Variants in EPRS1 observed in about 807,000 individuals in gnomAD.
The protein encoded by EPRS1 is bifunctional glutamate/proline--tRNA ligase.
EPRS1 carries 107 observed loss-of-function variants against 188.3 expected under a neutral mutation model. The ratio of observed to expected loss-of-function variants is 0.57; its 90% CI spans 0.49 to 0.67. EPRS1 has a LOEUF of 0.67. Among genes scored for constraint, EPRS1 ranks in the 30% least tolerant of loss-of-function variants. The pLI is 0.00. For synonymous variants in EPRS1, 596 were observed against 593.1 expected, an observed-to-expected ratio of 1.00 and a Z score of -0.07; for missense variants, 1,577 against 1,802.2, an observed-to-expected ratio of 0.88 and a Z score of 2.26.
chr1:220,034,822 A>G (rs1448363074), intron 3 of EPRS1, 92 bp downstream of exon 3: 1 of 786,066 alleles, frequency 1.3e-6, no homozygotes, highest in African/African-American at 1.7e-5. Flanking sequence ...CCTTAAGTAG[A>G]ATAGTTCATA....
chr1:219,978,755 A>G (rs369833977), intron 27 of EPRS1, 36 bp from the exon 28 acceptor site: 468 of 1,547,608 alleles, frequency 3.0e-4, no homozygotes, highest in Admixed American at 7.1e-4. Flanking sequence ...GTATGCAAAG[A>G]AACAGATATA....
intron 10 of EPRS1, 49 bp downstream of exon 10, chr1:220,019,939 A>C: frequency 7.7e-7 from 1 of 1,304,454 alleles, no homozygotes; most frequent in Non-Finnish European, 1.1e-6. Context: ...AAAATCACTG[A>C]TCTACTATGT....
intron 20 of EPRS1, among the ~76,000 whole-genome samples, chr1:219,984,613 G>A (rs561822115): frequency 2.0e-5 from 3 of 152,148 alleles, no homozygotes; most frequent in Non-Finnish European, 4.4e-5. Context: ...GGTAGAGGCA[G>A]GGTCTCGCTA....
In EPRS1 at chr1:220,024,926, A is replaced by G. The variant is rs367954048; in HGVS notation, c.750+206T>C. 433 of 533,968 alleles carry G rather than the reference A, an allele frequency of 8.1e-4. 5 individuals are homozygous for G. The South Asian group carries it at 8.6e-3, about 11-fold the overall frequency. The allele number at this position is 533,968 out of a possible 1,614,324, so 33.1% of individuals were successfully genotyped here. A position where few individuals can be genotyped will look rare whatever the true frequency, so the allele number is the denominator to read the frequency against. On this transcript the variant is annotated intron_variant, in intron 7 of 31. Transcript: ENST00000366923. The stretch of plus-strand genomic sequence containing the variant: ...AAAACATATCATTCAGGTAAACTCT[A>G]TAACTGGGGAAAGGAAAAATAACTC...
At chr1:220,027,484 C>G (rs1215373670) in intron 6 of EPRS1, among the ~76,000 whole-genome samples, 1 of 142,572 alleles carries the variant, frequency 7.0e-6, no homozygotes, top group African/African-American at 2.6e-5. Flanking sequence ...CCCAACTACT[C>G]GGGAGGATGA....
At chr1:220,024,765 T>G (rs1661943334) in intron 7 of EPRS1, among the ~76,000 whole-genome samples, 1 of 152,238 alleles carries the variant, frequency 6.6e-6, no homozygotes, top group African/African-American at 2.4e-5. Flanking sequence ...ACTGCCATAC[T>G]TCTGAATAAA....
chr1:220,014,094 G>A (rs1454259132), intron 12 of EPRS1, among the ~76,000 whole-genome samples: 2 of 152,148 alleles, frequency 1.3e-5, no homozygotes, highest in Non-Finnish European at 2.9e-5. Flanking sequence ...TTGGTAGGCC[G>A]AAGTGGGCGG....
At chr1:219,994,120 A>G (rs1661177609) in intron 18 of EPRS1, among the ~76,000 whole-genome samples, 1 of 152,190 alleles carries the variant, frequency 6.6e-6, no homozygotes, top group South Asian at 2.1e-4. Context: ...AGAGAAAAAA[A>G]ACATGATCCC....
intron 3 of EPRS1, among the ~76,000 whole-genome samples, chr1:220,034,698 G>C (rs2102597656): frequency 6.6e-6 from 1 of 152,174 alleles, no homozygotes; most frequent in Middle Eastern, 3.4e-3. Context: ...AAGTACAGCT[G>C]GTAGGGGACT....
intron 1 of EPRS1, among the ~76,000 whole-genome samples, chr1:220,045,790 C>T (rs924047320): frequency 2.6e-5 from 4 of 152,130 alleles, no homozygotes; most frequent in South Asian, 2.1e-4. Context: ...ATAAATGCAG[C>T]CTCAGTTGAA....
intron 12 of EPRS1, 175 bp downstream of exon 12, chr1:220,018,274 T>C: frequency 1.1e-6 from 1 of 878,882 alleles, no homozygotes. Flanking sequence ...TTAATAGGCT[T>C]AATTAATGCT....
rs1487215391 is a variant in EPRS1 at position 220,025,137 on chromosome 1, C to CA, written c.744dup (p.Glu249Ter). ...ATCACTACACTTTTAATTACCTTCTCAAAATCTTCCTTTTCTTTTTCAGGA... is the reference window on the plus strand; with the variant it reads ...ATCACTACACTTTTAATTACCTTCTCAAAAATCTTCCTTTTCTTTTTCAGGA... On this transcript the variant is annotated frameshift_variant, in exon 7 of 32. Transcript: ENST00000366923. LOFTEE classifies it high-confidence loss of function. The CA allele has an allele frequency of 6.2e-7, 1 of 1,613,122 alleles. No individual in the cohort carries two copies. The highest frequency in any genetic ancestry group is 8.5e-7 in the Non-Finnish European group (1 of 1,179,446).
intron 28 of EPRS1, among the ~76,000 whole-genome samples, chr1:219,978,101 T>C (rs1378492968): frequency 6.6e-6 from 1 of 152,140 alleles, no homozygotes; most frequent in African/African-American, 2.4e-5. Flanking sequence ...ATCAACAAAC[T>C]GGTATGAAAC....
At chr1:220,020,580 CA>C (rs1473777110) in intron 9 of EPRS1, among the ~76,000 whole-genome samples, 1 of 151,386 alleles carries the variant, frequency 6.6e-6, no homozygotes, top group East Asian at 1.9e-4. Context: ...AGCTTTTGAA[CA>C]TCTTTTTTTT....
rs1487675067 is a variant in EPRS1 at position 219,974,406 on chromosome 1, G to A, written c.4084-1008C>T. On this transcript the variant is annotated intron_variant, in intron 28 of 31. Transcript: ENST00000366923. Reference sequence around the variant, plus strand: ...TGGGAATGTTCAATCTTGTGAATGTGTATCCCGTAAGGGGATTAAAATCCT... The same window carrying A: ...TGGGAATGTTCAATCTTGTGAATGTATATCCCGTAAGGGGATTAAAATCCT... Among the ~76,000 whole-genome samples, 4 of 152,084 alleles carry A rather than the reference G, an allele frequency of 2.6e-5. No homozygotes were observed. The East Asian group carries it at 7.7e-4, about 29-fold the overall frequency.
rs773848407 is a variant in EPRS1, at chr1:219,968,899, G to A, written c.4446C>T (p.Pro1482=). The change falls in exon 32 of 32, where the codon CCC becomes CCT. Residue 1482 remains proline, a synonymous_variant. Transcript: ENST00000366923. ...PSMGAKSLCI[P]FKPLCELQPG... Reference sequence around the variant, plus strand: ...GCTGCAGTTCACAGAGTGGTTTGAAGGGGATGCAAAGGCTTTTAGCTCCCA... The same window carrying A: ...GCTGCAGTTCACAGAGTGGTTTGAAAGGGATGCAAAGGCTTTTAGCTCCCA... The A allele has an allele frequency of 5.6e-6, 9 of 1,613,966 alleles. No homozygotes were observed. The highest frequency in any genetic ancestry group is 1.7e-5 in the Admixed American group (1 of 60,006).
chr1:219,978,552 C>A lies in EPRS1; in HGVS notation c.4077G>T (p.Glu1359Asp). The stretch of plus-strand genomic sequence containing the variant: ...ATAAAGCTTAGGAATTTACCTTGAG[C>A]TCCCAGTGATTGAATTTCCAACCTG... Reference protein sequence around the residue: ...YSPGWKFNHWELKGVPIRLEV... With the variant: ...YSPGWKFNHWDLKGVPIRLEV... The change falls in exon 28 of 32, where the codon GAG (glutamate) becomes GAT (aspartate). Residue 1359 changes from glutamate (E) to aspartate (D), a missense_variant. By Grantham distance (45) the Glu-to-Asp change is conservative (BLOSUM62 2). Coordinates refer to ENST00000366923, the MANE Select transcript of EPRS1 (RefSeq NM_004446.3). 6.4e-7 allele frequency: 1 copy of A among 1,567,664 alleles called. No individual in the cohort carries two copies. The highest frequency in any genetic ancestry group is 8.7e-7 in the Non-Finnish European group (1 of 1,152,610).
At chr1:220,035,050 T>C in intron 2 of EPRS1, 37 bp from the exon 3 acceptor site, 1 of 975,950 alleles carries the variant, frequency 1.0e-6, no homozygotes, top group South Asian at 1.5e-5. Flanking sequence ...TTACTGCTGC[T>C]CTAGCAAATC....
intron 20 of EPRS1, among the ~76,000 whole-genome samples, chr1:219,984,631 C>T (rs1349594326): frequency 3.3e-5 from 5 of 152,132 alleles, no homozygotes; most frequent in Non-Finnish European, 7.4e-5. Flanking sequence ...CTATGTTGCC[C>T]AGGCCAGTCT....
Sources: allele counts gnomAD v4.1 joint callset (sites outside exome capture counted in the v4.1 genomes callset), GRCh38; gene constraint gnomAD v4.1.1; transcripts MANE v1.5; gene names NCBI Gene and HGNC (gene_info 2026-07-23, HGNC 2026-07-21).